CMIP: variants seen among roughly 807,000 people sequenced by gnomAD.
CMIP encodes C-Maf-inducing protein.
A neutral mutation model predicts 97.3 loss-of-function variants in CMIP; 13 were observed. That is an observed-to-expected ratio of 0.13 (90% CI 0.09 to 0.21). CMIP has a LOEUF of 0.21. Among genes scored for constraint, CMIP ranks in the 10% least tolerant of loss-of-function variants. The pLI is 1.00. For synonymous variants in CMIP, 538 were observed against 436.3 expected, an observed-to-expected ratio of 1.23 and a Z score of -2.91; for missense variants, 847 against 1,024.9, an observed-to-expected ratio of 0.83 and a Z score of 2.37.
intron 1 of CMIP, among the ~76,000 whole-genome samples, chr16:81,542,004 T>C (rs866321226): frequency 2.6e-5 from 4 of 152,228 alleles, no homozygotes; most frequent in Admixed American, 1.3e-4. Context: ...AACCAAAGAC[T>C]GACCTTATTC....
chr16:81,592,115 C>T (rs544560036), intron 1 of CMIP, among the ~76,000 whole-genome samples: 2 of 152,214 alleles, frequency 1.3e-5, no homozygotes, highest in South Asian at 2.1e-4. Flanking sequence ...TGAGCCACTG[C>T]GCCTGGCTGC....
chr16:81,591,657 C>T (rs79917248), intron 1 of CMIP, among the ~76,000 whole-genome samples: 6 of 152,140 alleles, frequency 3.9e-5, no homozygotes, highest in Admixed American at 2.6e-4. Context: ...GTCAACACTC[C>T]GGACCTTCTG....
intron 1 of CMIP, among the ~76,000 whole-genome samples, chr16:81,607,136 G>T (rs1400051775): frequency 1.3e-5 from 2 of 152,240 alleles, no homozygotes; most frequent in Non-Finnish European, 2.9e-5. Context: ...CTTGGAACGT[G>T]GCTCTGGAGG....
intron 1 of CMIP, among the ~76,000 whole-genome samples, chr16:81,461,104 C>T (rs964567186): frequency 1.3e-5 from 2 of 152,176 alleles, no homozygotes; most frequent in African/African-American, 4.8e-5. Context: ...CCAGGCAAAA[C>T]CCATTGTTCT....
At chr16:81,471,018 G>A (rs774975879) in intron 1 of CMIP, among the ~76,000 whole-genome samples, 33 of 151,846 alleles carry the variant, frequency 2.2e-4, no homozygotes, top group Non-Finnish European at 4.0e-4. Context: ...ACACATGTGC[G>A]CACAAACATG....
chr16:81,478,845 C>A (rs1464785630), intron 1 of CMIP, among the ~76,000 whole-genome samples: 1 of 152,160 alleles, frequency 6.6e-6, no homozygotes, highest in Non-Finnish European at 1.5e-5. Flanking sequence ...TCTGTCACAC[C>A]CTGCCCTTCT....
intron 1 of CMIP, among the ~76,000 whole-genome samples, chr16:81,603,654 C>A (rs576532283): frequency 2.0e-5 from 3 of 152,216 alleles, no homozygotes; most frequent in Non-Finnish European, 4.4e-5. Flanking sequence ...GTAGTCACGT[C>A]TCCCAAAACT....
chr16:81,505,492 C>G (rs1235445372), intron 1 of CMIP, among the ~76,000 whole-genome samples: 1 of 152,232 alleles, frequency 6.6e-6, no homozygotes, highest in Non-Finnish European at 1.5e-5. Flanking sequence ...TCAGCTGGGA[C>G]CTGCTGGGCC....
intron 10 of CMIP, among the ~76,000 whole-genome samples, chr16:81,685,109 C>T (rs1271996307): frequency 6.6e-6 from 1 of 152,240 alleles, no homozygotes; most frequent in Non-Finnish European, 1.5e-5. Context: ...CCCCCACAAC[C>T]TCTGTCCAGC....
chr16:81,546,315 C>T (rs920341127), intron 1 of CMIP, among the ~76,000 whole-genome samples: 28 of 152,200 alleles, frequency 1.8e-4, no homozygotes, highest in African/African-American at 4.6e-4. Context: ...CCTTGTTCGC[C>T]GGCGGCAGAA....
At chr16:81,509,909 G>A (rs2089779030) in intron 1 of CMIP, among the ~76,000 whole-genome samples, 1 of 152,194 alleles carries the variant, frequency 6.6e-6, no homozygotes, top group Admixed American at 6.5e-5. Context: ...GTGATTGGCT[G>A]GGGGCCCCTT....
chr16:81,701,289 G>C (rs780078763), intron 15 of CMIP, among the ~76,000 whole-genome samples: 6 of 152,152 alleles, frequency 3.9e-5, no homozygotes, highest in Non-Finnish European at 5.9e-5. Flanking sequence ...CCTACTTCAT[G>C]ACAGCCACTG....
rs562880176 is a variant in CMIP at position 81,614,359 on chromosome 16, T to C, written c.427-6517T>C. Among the ~76,000 whole-genome samples, 4 of 152,234 alleles carry C rather than the reference T, an allele frequency of 2.6e-5. No homozygotes were observed. Among genetic ancestry groups the C allele is most frequent in the African/African-American group, 9.6e-5 (4 of 41,556 alleles). ...CATGGGCCAGTGGGGGAAGGGAGTGTGCCAAGCGGTGCACGGGTTCTCAGG... is the reference window on the plus strand; with the variant it reads ...CATGGGCCAGTGGGGGAAGGGAGTGCGCCAAGCGGTGCACGGGTTCTCAGG... On this transcript the variant is annotated intron_variant, in intron 2 of 20. Transcript: ENST00000537098. The surrounding 1 kb of genome is among the most constrained non-coding windows in gnomAD (Gnocchi z 5.3).
chr16:81,667,526 C>T (rs966191884), intron 7 of CMIP, among the ~76,000 whole-genome samples: 7 of 152,104 alleles, frequency 4.6e-5, no homozygotes, highest in Admixed American at 3.3e-4. Context: ...ATGGAAATGA[C>T]CTTGATTATT....
chr16:81,478,039 TA>T (rs1567535418), intron 1 of CMIP, among the ~76,000 whole-genome samples: 1 of 152,180 alleles, frequency 6.6e-6, no homozygotes, highest in African/African-American at 2.4e-5. Flanking sequence ...GCAGGATTTT[TA>T]TTATTGAGAA....
intron 1 of CMIP, chr16:81,519,931 T>G (rs1168128652): frequency 6.6e-6 from 1 of 152,182 alleles, no homozygotes; most frequent in Non-Finnish European, 1.5e-5. Context: ...GGACAAAAGC[T>G]GGCATTGTAG....
intron 2 of CMIP, among the ~76,000 whole-genome samples, chr16:81,612,671 G>A (rs1224836826): frequency 1.3e-5 from 2 of 152,212 alleles, no homozygotes; most frequent in Admixed American, 6.5e-5. Context: ...AGAGGAAATT[G>A]GGCAGCGTTT....
At chr16:81,656,896 A>G (rs148064327) in intron 4 of CMIP, among the ~76,000 whole-genome samples, 1 of 152,314 alleles carries the variant, frequency 6.6e-6, no homozygotes, top group East Asian at 1.9e-4. Context: ...TGCTGGGATT[A>G]CAGGCATGGG....
At chr16:81,498,031 T>C (rs1164726572) in intron 1 of CMIP, among the ~76,000 whole-genome samples, 1 of 152,370 alleles carries the variant, frequency 6.6e-6, no homozygotes, top group Non-Finnish European at 1.5e-5. Flanking sequence ...GGTCTGTTCA[T>C]TCATTCATGC....
Sources: allele counts gnomAD v4.1 joint callset (sites outside exome capture counted in the v4.1 genomes callset), GRCh38; gene constraint gnomAD v4.1.1; non-coding constraint Gnocchi (gnomAD v3.1); transcripts MANE v1.5; gene names NCBI Gene and HGNC (gene_info 2026-07-23, HGNC 2026-07-21).